The following PRKCB variants were observed in gnomAD, a reference collection of about 807,000 sequenced individuals.
The protein encoded by PRKCB is protein kinase C beta.
In PRKCB, 13 loss-of-function variants were observed where a neutral mutation model predicts 81.5. The ratio of observed to expected loss-of-function variants is 0.16; its 90% CI spans 0.10 to 0.25. The LOEUF (loss-of-function observed/expected upper bound fraction) is 0.25. Ranked by LOEUF, PRKCB falls within the 10% of genes least tolerant of loss-of-function variation. PRKCB has a pLI of 1.00. For synonymous variants in PRKCB, 335 were observed against 321.4 expected, an observed-to-expected ratio of 1.04 and a Z score of -0.45; for missense variants, 509 against 875.7, an observed-to-expected ratio of 0.58 and a Z score of 5.29.
chr16:23,973,435 G>A (rs991144532), intron 2 of PRKCB, among the ~76,000 whole-genome samples: 3 of 151,930 alleles, frequency 2.0e-5, no homozygotes, highest in Non-Finnish European at 4.4e-5. Flanking sequence ...CACCTGCCTC[G>A]GCCTCTCAAA....
At chr16:23,940,530 A>C (rs972370097) in intron 2 of PRKCB, among the ~76,000 whole-genome samples, 3 of 152,116 alleles carry the variant, frequency 2.0e-5, no homozygotes, top group Non-Finnish European at 4.4e-5. Context: ...GATTGTGTTG[A>C]TACCTCTAAG....
At chr16:24,199,643 T>C (rs1385937421) in intron 16 of PRKCB, among the ~76,000 whole-genome samples, 1 of 152,252 alleles carries the variant, frequency 6.6e-6, no homozygotes, top group African/African-American at 2.4e-5. Flanking sequence ...CCTTTACTGT[T>C]CAAATATATT....
rs541193723 is a variant in PRKCB, at chr16:24,131,276, G to A, written c.1065+7295G>A. 5.3e-5 allele frequency among the ~76,000 whole-genome samples: 8 copies of A among 152,348 alleles called. No individual in the cohort carries two copies. In the East Asian group the frequency reaches 5.8e-4, roughly 11 times the overall value. ...ATGATCTAAAATCAGAAGCAGAGAGGTGAGAGACAGAACCATTAAGCTTCC... is the reference window on the plus strand; with the variant it reads ...ATGATCTAAAATCAGAAGCAGAGAGATGAGAGACAGAACCATTAAGCTTCC... On this transcript the variant is annotated intron_variant, in intron 9 of 16. Transcript: ENST00000643927.
intron 2 of PRKCB, among the ~76,000 whole-genome samples, chr16:23,983,086 A>C (rs2141817802): frequency 6.6e-6 from 1 of 151,260 alleles, no homozygotes; most frequent in African/African-American, 2.4e-5. Context: ...CATTTTTTTC[A>C]GTAGCTCAGT....
Position 24,217,707 on chromosome 16 carries a change from CTT to C in PRKCB, c.*2893_*2894del, listed in dbSNP as rs1968251126. The C allele has an allele frequency of 3.0e-6, 3 of 985,310 alleles. No homozygotes were observed. In the South Asian group the frequency reaches 1.4e-4, roughly 46 times the overall value. 61.0% of individuals were successfully genotyped at this position (985,310 alleles called of 1,614,324 possible). A position where few individuals can be genotyped will look rare whatever the true frequency, so the allele number is the denominator to read the frequency against. On this transcript the variant is annotated 3_prime_UTR_variant, in exon 17 of 17. Coordinates refer to ENST00000643927, the MANE Select transcript of PRKCB (RefSeq NM_002738.7). ...AAGGTGGGGCTGGTCAGAAGGGAAT[CTT>C]TGATAAGAGGCCCACAGGCAGGGAA...
At chr16:23,892,230 ACAT>A (rs386789849) in intron 2 of PRKCB, among the ~76,000 whole-genome samples, 1 of 11,046 alleles carries the variant, frequency 9.1e-5, no homozygotes, top group Non-Finnish European at 1.3e-4. Flanking sequence ...GAGAAAACTT[ACAT>A]TTTTTTTCTC....
At chr16:23,998,308 T>C (rs570366773) in intron 3 of PRKCB, among the ~76,000 whole-genome samples, 1 of 152,330 alleles carries the variant, frequency 6.6e-6, no homozygotes, top group South Asian at 2.1e-4. Flanking sequence ...GGCTTGCAGA[T>C]GGAAGACTGT....
At chr16:23,947,885 C>CTTTTTTTTTTTTT (rs3073131) in intron 2 of PRKCB, among the ~76,000 whole-genome samples, 1 of 124,434 alleles carries the variant, frequency 8.0e-6, no homozygotes. Flanking sequence ...TCTGGAGCCG[C>CTTTTTTTTTTTTT]TTTTTTTTTT....
intron 2 of PRKCB, among the ~76,000 whole-genome samples, chr16:23,983,308 A>AAAT (rs1964761953): frequency 1.3e-5 from 2 of 152,314 alleles, no homozygotes; most frequent in Admixed American, 1.3e-4. Flanking sequence ...TAAAGGAATT[A>AAAT]CCTGCACCAG....
At chr16:24,055,839 GTC>G (rs879520051) in intron 5 of PRKCB, among the ~76,000 whole-genome samples, 2 of 151,880 alleles carry the variant, frequency 1.3e-5, no homozygotes, top group Non-Finnish European at 1.5e-5. Context: ...AATCCTTTCA[GTC>G]TCTCTCTCTC....
chr16:24,145,183 G>A (rs1161855054), intron 9 of PRKCB, among the ~76,000 whole-genome samples: 1 of 152,194 alleles, frequency 6.6e-6, no homozygotes, highest in African/African-American at 2.4e-5. Context: ...ATTCTGAGAG[G>A]TGAGATTGAG....
At chr16:23,854,520 G>A (rs1448756067) in intron 2 of PRKCB, among the ~76,000 whole-genome samples, 2 of 152,126 alleles carry the variant, frequency 1.3e-5, no homozygotes, top group Non-Finnish European at 2.9e-5. Flanking sequence ...GACAACTGGG[G>A]CCTCTCTTCA....
In PRKCB at chr16:24,049,047, GTTTTTTTTTTTT is replaced by G. The variant is rs1160842975; in HGVS notation, c.529+13519_529+13530del. Among the ~76,000 whole-genome samples, 32 of 49,698 alleles carry G rather than the reference GTTTTTTTTTTTT, an allele frequency of 6.4e-4. No homozygotes were observed. In the South Asian group the frequency reaches 6.5e-3, roughly 10 times the overall value. 32.6% of individuals were successfully genotyped at this position (49,698 alleles called of 152,430 possible). ...TGATAACATTTCTTCAAATTGGCCT[GTTTTTTTTTTTT>G]TTTTTTTTTTTTTTTTTTGCAGAAA... On this transcript the variant is annotated intron_variant, in intron 5 of 16. Transcript: ENST00000643927.
chr16:24,216,435 C>T lies in PRKCB; in HGVS notation c.*1619C>T, dbSNP rs1420909894. Reference sequence around the variant, plus strand: ...GGATTAAGGCAGCAGGTGACTCCCCCTCCTCGCCTGCCGTGTCCTGCTATT... The same window carrying T: ...GGATTAAGGCAGCAGGTGACTCCCCTTCCTCGCCTGCCGTGTCCTGCTATT... On this transcript the variant is annotated 3_prime_UTR_variant, in exon 17 of 17. Transcript: ENST00000643927. 4.1e-6 allele frequency: 4 copies of T among 985,332 alleles called. No individual in the cohort carries two copies. The African/African-American group carries it at 7.0e-5, about 17-fold the overall frequency. 61.0% of individuals were successfully genotyped at this position (985,332 alleles called of 1,614,324 possible).
At chr16:23,918,960 C>T (rs1008927021) in intron 2 of PRKCB, among the ~76,000 whole-genome samples, 1 of 152,146 alleles carries the variant, frequency 6.6e-6, no homozygotes, top group African/African-American at 2.4e-5. Flanking sequence ...CATAATCTGG[C>T]TATTCACTTA....
In PRKCB at chr16:23,875,638, CATATATGTATGTATATCACACAT is replaced by C. The variant is rs369411708; in HGVS notation, c.205+38255_205+38277del. 2.1e-4 allele frequency among the ~76,000 whole-genome samples: 19 copies of C among 90,502 alleles called. 1 individual carries two copies. Among genetic ancestry groups the C allele is most frequent in the African/African-American group, 6.0e-4 (16 of 26,842 alleles). The allele number at this position is 90,502 out of a possible 152,430, so 59.4% of individuals were successfully genotyped here. A position where few individuals can be genotyped will look rare whatever the true frequency, so the allele number is the denominator to read the frequency against. On this transcript the variant is annotated intron_variant, in intron 2 of 16. Transcript: ENST00000643927. ...CACACATATATGTATGTATATCACA[CATATATGTATGTATATCACACAT>C]ATATATGTATGTATATCACACACAT...
intron 2 of PRKCB, among the ~76,000 whole-genome samples, chr16:23,902,242 A>G (rs1963485383): frequency 6.6e-6 from 1 of 152,118 alleles, no homozygotes; most frequent in Non-Finnish European, 1.5e-5. Context: ...CCAAGAAGAC[A>G]ATGAAAAAAC....
At chr16:24,087,040 T>A (rs1966318288) in intron 5 of PRKCB, among the ~76,000 whole-genome samples, 1 of 152,210 alleles carries the variant, frequency 6.6e-6, no homozygotes, top group East Asian at 1.9e-4. Flanking sequence ...ACTAATGTAT[T>A]TTTATATGTG....
chr16:24,167,101 G>A (rs987808092), intron 10 of PRKCB, among the ~76,000 whole-genome samples: 1 of 150,842 alleles, frequency 6.6e-6, no homozygotes, highest in Non-Finnish European at 1.5e-5. Flanking sequence ...TCTCTTCAAC[G>A]TGCAGCAAAG....
Sources: allele counts gnomAD v4.1 joint callset (sites outside exome capture counted in the v4.1 genomes callset), GRCh38; gene constraint gnomAD v4.1.1; transcripts MANE v1.5; gene names NCBI Gene and HGNC (gene_info 2026-07-23, HGNC 2026-07-21).